EXT2: variants seen among roughly 807,000 people sequenced by gnomAD.
EXT2 encodes exostosin-2.
A neutral mutation model predicts 81.6 loss-of-function variants in EXT2; 53 were observed. The ratio of observed to expected loss-of-function variants is 0.65; its 90% CI spans 0.52 to 0.82. The LOEUF is 0.82. Ranked by LOEUF, EXT2 falls within the 40% of genes least tolerant of loss-of-function variation. The probability of loss-of-function intolerance (pLI) is 0.00; values close to 1 mark genes in which losing one functional copy is unlikely to be tolerated. For synonymous variants in EXT2, 320 were observed against 340.0 expected, an observed-to-expected ratio of 0.94 and a Z score of 0.65; for missense variants, 774 against 910.2, an observed-to-expected ratio of 0.85 and a Z score of 1.93.
chr11:44,214,240 G>C (rs1416025067), intron 10 of EXT2, among the ~76,000 whole-genome samples: 5 of 151,982 alleles, frequency 3.3e-5, no homozygotes, highest in Non-Finnish European at 7.4e-5. Flanking sequence ...CAGCCTCTCC[G>C]AGTAGCTGGG....
rs140075817 is a variant in EXT2 at position 44,107,972 on chromosome 11, T to G, written c.260T>G (p.Met87Arg). ...GAGCGGGGGGATCTCAGTTGCAGAA[T>G]GCACACGTGTTTTGATGTCTATCGC... ...IPERGDLSCRMHTCFDVYRCG... is the reference protein window; with the variant it reads ...IPERGDLSCRRHTCFDVYRCG... The change falls in exon 2 of 14, where the codon ATG becomes AGG. Residue 87 changes from methionine to arginine, a missense_variant. Coordinates refer to ENST00000533608, the MANE Select transcript of EXT2 (RefSeq NM_207122.2). 3.2e-4 allele frequency: 523 copies of G among 1,614,200 alleles called. 1 individual carries two copies. Among genetic ancestry groups the G allele is most frequent in the Admixed American group, 4.7e-4 (28 of 60,028 alleles).
Position 44,126,926 on chromosome 11 carries a change from G to T in EXT2, c.1050G>T (p.Leu350Phe), listed in dbSNP as rs747302075. ...TTGTCATTGCAGACTCCTATATTTT[G>T]CCTTTCTCTGAAGTTCTTGACTGGA... ...VPVVIADSYI[L>F]PFSEVLDWKR... The change falls in exon 6 of 14, where the codon TTG (leucine) becomes TTT (phenylalanine). Residue 350 changes from leucine to phenylalanine, a missense_variant. By Grantham distance (22) the Leu-to-Phe change is conservative (BLOSUM62 0). This residue lies in a region of EXT2 where 626 missense variants were observed against 670.5 expected (regional missense o/e 0.93). Coordinates refer to ENST00000533608, the MANE Select transcript of EXT2 (RefSeq NM_207122.2). 2 of 1,614,132 alleles carry T rather than the reference G, an allele frequency of 1.2e-6. No homozygotes were observed. Among genetic ancestry groups the T allele is most frequent in the Non-Finnish European group, 1.7e-6 (2 of 1,180,026 alleles).
rs907242778 is a variant in EXT2 at position 44,112,935 on chromosome 11, T to C, written c.627-1250T>C. Among the ~76,000 whole-genome samples the C allele has an allele frequency of 5.3e-5, 8 of 152,196 alleles. 1 individual carries two copies. Among genetic ancestry groups the C allele is most frequent in the Admixed American group, 5.2e-4 (8 of 15,290 alleles). On this transcript the variant is annotated intron_variant, in intron 3 of 13. Transcript: ENST00000533608. ...GCCTGGTGCCTGAATATTGCATCCA[T>C]GTCTGCTTCTCTGCACATAGGCCAT...
rs552502487 is a variant in EXT2 at position 44,165,573 on chromosome 11, T to A, written c.1174-6038T>A. 4.1e-4 allele frequency among the ~76,000 whole-genome samples: 62 copies of A among 152,354 alleles called. 1 individual carries two copies. Among genetic ancestry groups the A allele is most frequent in the African/African-American group, 1.5e-3 (62 of 41,588 alleles). ...TCAGTTGTGCATTTGTGCCTTTGGC[T>A]GGTGTCCTGGGTGGATTTCTTACCA... On this transcript the variant is annotated intron_variant, in intron 7 of 13. Transcript: ENST00000533608.
rs1227042430 is a variant in EXT2 at position 44,244,471 on chromosome 11, G to A, written c.*184G>A. 2 of 621,638 alleles carry A rather than the reference G, an allele frequency of 3.2e-6. No individual in the cohort carries two copies. Among genetic ancestry groups the A allele is most frequent in the Middle Eastern group, 4.3e-4 (1 of 2,310 alleles). The allele number at this position is 621,638 out of a possible 1,614,324, so 38.5% of individuals were successfully genotyped here. A position where few individuals can be genotyped will look rare whatever the true frequency, so the allele number is the denominator to read the frequency against. On this transcript the variant is annotated 3_prime_UTR_variant, in exon 14 of 14. Coordinates refer to ENST00000533608, the MANE Select transcript of EXT2 (RefSeq NM_207122.2). ...CCTAGAATGAATATCCAAGCACCTC[G>A]AGCTATGCAACCTCTGTTCTTGTAT...
At chr11:44,231,401 C>T (rs974455245) in intron 10 of EXT2, among the ~76,000 whole-genome samples, 8 of 152,096 alleles carry the variant, frequency 5.3e-5, no homozygotes, top group African/African-American at 1.4e-4. Flanking sequence ...ATGTTTTGGA[C>T]GTGTTAGGTT....
intron 10 of EXT2, among the ~76,000 whole-genome samples, chr11:44,212,495 C>T (rs1955662579): frequency 6.6e-6 from 1 of 152,036 alleles, no homozygotes; most frequent in Admixed American, 6.5e-5. Flanking sequence ...AATGACAATA[C>T]TGAGTGTTGG....
At chr11:44,171,784 C>T in intron 8 of EXT2, 42 bp downstream of exon 8, 1 of 1,612,812 alleles carries the variant, frequency 6.2e-7, no homozygotes, top group Non-Finnish European at 8.5e-7. Context: ...CATGGTCCAG[C>T]TGTCAGGGTG....
chr11:44,099,331 A>G (rs1953949724), intron 1 of EXT2, among the ~76,000 whole-genome samples: 2 of 152,020 alleles, frequency 1.3e-5, no homozygotes, highest in Non-Finnish European at 2.9e-5. Context: ...GACTACAGGC[A>G]CCCACCACCA....
In EXT2 at chr11:44,126,949, G is replaced by A. The variant is rs1375612039; in HGVS notation, c.1073G>A (p.Trp358Ter). 1 of 1,614,146 alleles carries A rather than the reference G, an allele frequency of 6.2e-7. No individual in the cohort carries two copies. Among genetic ancestry groups the A allele is most frequent in the South Asian group, 1.1e-5 (1 of 91,080 alleles). The change falls in exon 6 of 14, where the codon TGG becomes TAG. Residue 358 changes from tryptophan (W) to a stop codon, truncating the protein, a stop_gained. Transcript: ENST00000533608. LOFTEE classifies it high-confidence loss of function. The part of the protein sequence containing the change: ...YILPFSEVLD[W>*]KRASVVVPEE... Reference sequence around the variant, plus strand: ...TTGCCTTTCTCTGAAGTTCTTGACTGGAAGAGGTGGGTAGTACCTCCTAGT... The same window carrying A: ...TTGCCTTTCTCTGAAGTTCTTGACTAGAAGAGGTGGGTAGTACCTCCTAGT...
chr11:44,180,424 A>G (rs969104991), intron 8 of EXT2, among the ~76,000 whole-genome samples: 1 of 152,142 alleles, frequency 6.6e-6, no homozygotes, highest in Non-Finnish European at 1.5e-5. Flanking sequence ...ACAGCTTTCT[A>G]TTTTCCAGAG....
chr11:44,217,632 G>A (rs187519301), intron 10 of EXT2, among the ~76,000 whole-genome samples: 131 of 152,228 alleles, frequency 8.6e-4, no homozygotes, highest in African/African-American at 3.0e-3. Flanking sequence ...ACTCATTTGC[G>A]AGGGACTCCT....
At chr11:44,190,186 G>A (rs1178236902) in intron 8 of EXT2, among the ~76,000 whole-genome samples, 6 of 152,128 alleles carry the variant, frequency 3.9e-5, no homozygotes, top group East Asian at 3.8e-4. Context: ...ACTCCTTTTG[G>A]TTTTGCCCTT....
At chr11:44,131,160 A>G (rs1222792551) in intron 7 of EXT2, among the ~76,000 whole-genome samples, 1 of 152,224 alleles carries the variant, frequency 6.6e-6, no homozygotes, top group African/African-American at 2.4e-5. Flanking sequence ...AGTCTATAGC[A>G]TCAGTTACCA....
chr11:44,150,651 G>A (rs1031414974), intron 7 of EXT2, among the ~76,000 whole-genome samples: 8 of 152,316 alleles, frequency 5.3e-5, no homozygotes, highest in East Asian at 3.9e-4. Flanking sequence ...GTCAAAGCAC[G>A]TGTAGTCTTG....
chr11:44,138,987 C>T (rs1444196465), intron 7 of EXT2, among the ~76,000 whole-genome samples: 2 of 152,138 alleles, frequency 1.3e-5, no homozygotes, highest in African/African-American at 2.4e-5. Flanking sequence ...CTTAAAGAAC[C>T]ACAGTAAGTT....
In EXT2 at chr11:44,245,966, G is replaced by T. The variant is rs1956090151; in HGVS notation, c.*1679G>T. On this transcript the variant is annotated 3_prime_UTR_variant, in exon 14 of 14. Transcript: ENST00000533608. ...GCAGAAACTGAAGTGATTTTTTTCA[G>T]TTTCTGACAGCAGCAAACACAGGTG... Among the ~76,000 whole-genome samples, 1 of 152,158 alleles carries T rather than the reference G, an allele frequency of 6.6e-6. No individual in the cohort carries two copies.
chr11:44,220,509 G>GCTCATT lies in EXT2; in HGVS notation c.1663-11843_1663-11838dup, dbSNP rs1278446387. The stretch of plus-strand genomic sequence containing the variant: ...TTTAGAAGAGAATGGGCCACAAACA[G>GCTCATT]CTCATTTCTGTGAGTGTTCCCACCT... On this transcript the variant is annotated intron_variant, in intron 10 of 13. Transcript: ENST00000533608. The surrounding 1 kb of genome is among the most constrained non-coding windows in gnomAD (Gnocchi z 4.4). Among the ~76,000 whole-genome samples the GCTCATT allele has an allele frequency of 9.2e-5, 14 of 152,302 alleles. No homozygotes were observed. The highest frequency in any genetic ancestry group is 3.4e-4 in the African/African-American group (14 of 41,564).
At chr11:44,170,784 T>A (rs1955059550) in intron 7 of EXT2, among the ~76,000 whole-genome samples, 1 of 148,504 alleles carries the variant, frequency 6.7e-6, no homozygotes. Context: ...GAAAGAAAAT[T>A]CATCCATAAT....
Sources: allele counts gnomAD v4.1 joint callset (sites outside exome capture counted in the v4.1 genomes callset), GRCh38; gene constraint gnomAD v4.1.1; regional missense constraint gnomAD v4.1.1; non-coding constraint Gnocchi (gnomAD v3.1); transcripts MANE v1.5; gene names NCBI Gene and HGNC (gene_info 2026-07-23, HGNC 2026-07-21).